The following STRADA variants were observed in gnomAD, a reference collection of about 807,000 sequenced individuals.
STRADA encodes the protein STE20 related adaptor alpha, also known as STE20-related kinase adapter protein alpha.
Under a neutral mutation model 55.0 loss-of-function variants are expected in STRADA, and 26 were observed. The observed-to-expected ratio is 0.47, with a 90% confidence interval of 0.35 to 0.66. The LOEUF (loss-of-function observed/expected upper bound fraction) is 0.66. Ranked by LOEUF, STRADA falls within the 30% of genes least tolerant of loss-of-function variation. The probability of loss-of-function intolerance (pLI) is 0.01; values close to 1 mark genes in which losing one functional copy is unlikely to be tolerated. For synonymous variants in STRADA, 197 were observed against 210.9 expected, an observed-to-expected ratio of 0.93 and a Z score of 0.57; for missense variants, 443 against 549.7, an observed-to-expected ratio of 0.81 and a Z score of 1.94.
At chr17:63,730,876 C>T (rs562809761) in intron 1 of STRADA, among the ~76,000 whole-genome samples, 7 of 151,914 alleles carry the variant, frequency 4.6e-5, no homozygotes, top group Admixed American at 1.3e-4. Flanking sequence ...CTCTTGAGCT[C>T]AAGCAATTGT....
chr17:63,739,012 G>A (rs906304100), intron 1 of STRADA, among the ~76,000 whole-genome samples: 11 of 151,530 alleles, frequency 7.3e-5, no homozygotes. Flanking sequence ...AATTAGCCGG[G>A]TATGGTGGCG....
At chr17:63,718,418 G>A (rs191299694) in intron 4 of STRADA, among the ~76,000 whole-genome samples, 5 of 152,284 alleles carry the variant, frequency 3.3e-5, no homozygotes, top group Non-Finnish European at 7.4e-5. Context: ...AATTCACAAC[G>A]CTCATTTGGT....
At chr17:63,711,981 A>G (rs1331689774) in intron 6 of STRADA, among the ~76,000 whole-genome samples, 1 of 152,044 alleles carries the variant, frequency 6.6e-6, no homozygotes, top group Non-Finnish European at 1.5e-5. Context: ...GATGGAGGAG[A>G]AGGCCAGCTG....
chr17:63,734,262 C>G (rs1437438241), intron 1 of STRADA, among the ~76,000 whole-genome samples: 1 of 152,188 alleles, frequency 6.6e-6, no homozygotes, highest in African/African-American at 2.4e-5. Context: ...AAACTTGTCA[C>G]TGTTTTCAAT....
chr17:63,728,231 T>C, intron 2 of STRADA, 103 bp downstream of exon 2: 1 of 1,077,582 alleles, frequency 9.3e-7, no homozygotes, highest in Non-Finnish European at 1.4e-6. Flanking sequence ...CACTTCCGTA[T>C]CATTCCGACC....
intron 6 of STRADA, among the ~76,000 whole-genome samples, chr17:63,712,707 CG>C (rs1568187424): frequency 6.7e-6 from 1 of 149,858 alleles, no homozygotes. Context: ...GACCCTGTCT[CG>C]AAAAAAAAGA....
chr17:63,708,322 C>G (rs1291538166), intron 8 of STRADA, among the ~76,000 whole-genome samples: 2 of 151,916 alleles, frequency 1.3e-5, no homozygotes, highest in Non-Finnish European at 2.9e-5. Context: ...GCCTCAGTCT[C>G]CTGAGCAGCT....
rs374043993 is a variant in STRADA, at chr17:63,728,401, C to T, written c.-32G>A. ...CTACTGTGTAGGCCTACTTCAGTTT[C>T]AAAAACTTAAACCTAAAAGGAAAAT... On this transcript the variant is annotated 5_prime_UTR_variant, in exon 2 of 13. Transcript: ENST00000336174. 3.6e-5 allele frequency: 57 copies of T among 1,582,790 alleles called. No homozygotes were observed. In the East Asian group the frequency reaches 3.9e-4, roughly 11 times the overall value.
Position 63,728,399 on chromosome 17 carries a change from T to C in STRADA, c.-30A>G. The C allele has an allele frequency of 2.5e-6, 4 of 1,584,696 alleles. No individual in the cohort carries two copies. The highest frequency in any genetic ancestry group is 3.4e-6 in the Non-Finnish European group (4 of 1,166,970). ...TCCTACTGTGTAGGCCTACTTCAGTTTCAAAAACTTAAACCTAAAAGGAAA... is the reference window on the plus strand; with the variant it reads ...TCCTACTGTGTAGGCCTACTTCAGTCTCAAAAACTTAAACCTAAAAGGAAA... On this transcript the variant is annotated 5_prime_UTR_variant, in exon 2 of 13. Coordinates refer to ENST00000336174, the MANE Select transcript of STRADA (RefSeq NM_001003787.4).
chr17:63,721,387 A>G lies in STRADA; in HGVS notation c.123+1911T>C, dbSNP rs1424364156. Among the ~76,000 whole-genome samples, 3 of 136,258 alleles carry G rather than the reference A, an allele frequency of 2.2e-5. No individual in the cohort carries two copies. The East Asian group carries it at 6.1e-4, about 28-fold the overall frequency. 89.4% of individuals were successfully genotyped at this position (136,258 alleles called of 152,430 possible). A position where few individuals can be genotyped will look rare whatever the true frequency, so the allele number is the denominator to read the frequency against. On this transcript the variant is annotated intron_variant, in intron 4 of 12. Transcript: ENST00000336174. Reference sequence around the variant, plus strand: ...ACACCGTCTCAAGAAAAAATAAAATAAAAAAAAATAAAGTGAAGCTCCATC... The same window carrying G: ...ACACCGTCTCAAGAAAAAATAAAATGAAAAAAAATAAAGTGAAGCTCCATC...
intron 1 of STRADA, among the ~76,000 whole-genome samples, chr17:63,738,687 A>C (rs568398199): frequency 1.3e-5 from 2 of 152,000 alleles, no homozygotes; most frequent in East Asian, 3.9e-4. Flanking sequence ...GTGAAACCCC[A>C]TCTCTCCTAA....
intron 3 of STRADA, chr17:63,726,376 T>C: frequency 5.4e-6 from 2 of 371,334 alleles, no homozygotes; most frequent in African/African-American, 2.1e-5. Flanking sequence ...TTTAAAAATA[T>C]GTATTTCACC....
intron 4 of STRADA, among the ~76,000 whole-genome samples, chr17:63,723,010 T>C (rs1416664146): frequency 2.6e-5 from 4 of 152,110 alleles, no homozygotes; most frequent in Non-Finnish European, 5.9e-5. Context: ...AAACTTACTT[T>C]TTTGGGGGAA....
chr17:63,720,575 C>T (rs1048696601), intron 4 of STRADA, among the ~76,000 whole-genome samples: 1 of 150,116 alleles, frequency 6.7e-6, no homozygotes, highest in African/African-American at 2.5e-5. Flanking sequence ...GAGATTGAGA[C>T]CATCCTGGCC....
chr17:63,710,797 T>C lies in STRADA; in HGVS notation c.388A>G (p.Ile130Val), dbSNP rs1207933507. 4.3e-6 allele frequency: 7 copies of C among 1,614,112 alleles called. No homozygotes were observed. Among genetic ancestry groups the C allele is most frequent in the Non-Finnish European group, 5.9e-6 (7 of 1,180,018 alleles). The change falls in exon 7 of 13, where the codon ATC becomes GTC. Residue 130 changes from isoleucine to valine, a missense_variant. By Grantham distance (29) the Ile-to-Val change is conservative (BLOSUM62 3). Transcript: ENST00000336174. ...ATAAAAGTGGCTCGATATGGCACGA[T>C]ATTGGGATGGTTGAAGAGTTTGGAG... ...HVSKLFNHPN[I>V]VPYRATFIAD...
At chr17:63,734,832 T>C (rs770903919) in intron 1 of STRADA, among the ~76,000 whole-genome samples, 7 of 151,586 alleles carry the variant, frequency 4.6e-5, no homozygotes, top group African/African-American at 1.2e-4. Context: ...TTTAGAAAAA[T>C]AGAAGCTATT....
At chr17:63,715,141 G>T (rs1270193133) in intron 4 of STRADA, 1 of 152,196 alleles carries the variant, frequency 6.6e-6, no homozygotes, top group Non-Finnish European at 1.5e-5. Flanking sequence ...AAAAGGCGGT[G>T]CTTGAACAAC....
At chr17:63,737,341 G>C (rs2038524845) in intron 1 of STRADA, 1 of 151,028 alleles carries the variant, frequency 6.6e-6, no homozygotes, top group Non-Finnish European at 1.5e-5. Context: ...AAGGAAGTTA[G>C]GACAGTGGAC....
At position 63,706,645 on chromosome 17, in the gene STRADA, G is replaced by A. The variant is rs767048572; in HGVS notation, c.848C>T (p.Pro283Leu). ...ANGHVPFKDM[P>L]ATQMLLEKLN... is the part of the protein sequence containing the mutation. ...GGGCGGCAGGCTTACCTGGGTGGCA[G>A]GCATATCCTTAAAGGGGACATGGCC... Residue 283 changes from proline to leucine, a missense_variant, in exon 10 of 13, where the codon CCT (proline) becomes CTT (leucine). Transcript: ENST00000336174. The A allele has an allele frequency of 9.3e-6, 15 of 1,612,830 alleles. No homozygotes were observed. The highest frequency in any genetic ancestry group is 1.3e-5 in the Non-Finnish European group (15 of 1,179,230).
Sources: allele counts gnomAD v4.1 joint callset (sites outside exome capture counted in the v4.1 genomes callset), GRCh38; gene constraint gnomAD v4.1.1; transcripts MANE v1.5; gene names NCBI Gene and HGNC (gene_info 2026-07-23, HGNC 2026-07-21).